NTM: variants seen among roughly 807,000 people sequenced by gnomAD.
NTM encodes the protein neurotrimin.
A neutral mutation model predicts 42.1 loss-of-function variants in NTM; 13 were observed. The ratio of observed to expected loss-of-function variants is 0.31; its 90% CI spans 0.20 to 0.49. The LOEUF (loss-of-function observed/expected upper bound fraction) is 0.49, where lower values mean the gene tolerates loss of function less well. NTM is among the 20% of genes least tolerant of loss of function. The pLI is 0.99. For missense variants in NTM, 373 were observed against 452.8 expected (o/e 0.82, Z 1.60); for synonymous variants, 187 against 179.2 (o/e 1.04, Z -0.35).
chr11:131,565,783 C>T (rs1213496355), intron 1 of NTM, among the ~76,000 whole-genome samples: 1 of 152,196 alleles, frequency 6.6e-6, no homozygotes, highest in African/African-American at 2.4e-5. Flanking sequence ...CACCCTGGAC[C>T]TGGGGCACCT....
intron 1 of NTM, among the ~76,000 whole-genome samples, chr11:131,819,005 A>G (rs1396971782): frequency 1.3e-5 from 2 of 152,188 alleles, no homozygotes; most frequent in East Asian, 3.9e-4. Context: ...TCCCCTCCTA[A>G]CTGTTTAAAC....
intron 2 of NTM, among the ~76,000 whole-genome samples, chr11:132,060,449 C>T (rs538017785): frequency 1.5e-5 from 2 of 130,334 alleles, no homozygotes; most frequent in South Asian, 5.2e-4. Context: ...GTTGTATCCA[C>T]ATTTAATGGA....
intron 3 of NTM, among the ~76,000 whole-genome samples, chr11:132,201,210 A>T (rs959400779): frequency 3.9e-5 from 6 of 152,194 alleles, no homozygotes; most frequent in African/African-American, 1.4e-4. Context: ...CCCTCTACCC[A>T]TGAGTTTTCT....
intron 2 of NTM, among the ~76,000 whole-genome samples, chr11:131,984,926 G>A (rs937201985): frequency 6.6e-6 from 1 of 152,144 alleles, no homozygotes; most frequent in Non-Finnish European, 1.5e-5. Context: ...TTTGATAATT[G>A]CCACGAAGGT....
At chr11:131,745,598 G>GTTGAAGTCC (rs1407111968) in intron 1 of NTM, among the ~76,000 whole-genome samples, 2 of 152,190 alleles carry the variant, frequency 1.3e-5, no homozygotes, top group Non-Finnish European at 2.9e-5. Flanking sequence ...GAGGACTGGA[G>GTTGAAGTCC]TTGAAGTCCT....
rs774067143 is a variant in NTM at position 131,730,710 on chromosome 11, C to A, written c.83-180854C>A. ...CTCCAACCTGGGTGCCACAGTAGAC[C>A]CTATCTGTTAAAAGAAGAAGAAGAG... On this transcript the variant is annotated intron_variant, in intron 1 of 8. Transcript: ENST00000683400. Among the ~76,000 whole-genome samples, 6 of 109,462 alleles carry A rather than the reference C, an allele frequency of 5.5e-5. No individual in the cohort carries two copies. In the South Asian group the frequency reaches 2.0e-3, roughly 36 times the overall value. The allele number at this position is 109,462 out of a possible 152,430, so 71.8% of individuals were successfully genotyped here.
intron 1 of NTM, among the ~76,000 whole-genome samples, chr11:131,833,931 A>G (rs1459922431): frequency 6.6e-6 from 1 of 152,184 alleles, no homozygotes; most frequent in Non-Finnish European, 1.5e-5. Flanking sequence ...AGTTTTATAA[A>G]TTCTACTTGC....
intron 1 of NTM, among the ~76,000 whole-genome samples, chr11:131,641,174 G>A (rs965305791): frequency 6.6e-6 from 1 of 152,170 alleles, no homozygotes. Flanking sequence ...TAATGACAAC[G>A]ATCATGTTTT....
chr11:131,602,383 A>G (rs932939979), intron 1 of NTM, among the ~76,000 whole-genome samples: 1 of 152,166 alleles, frequency 6.6e-6, no homozygotes, highest in African/African-American at 2.4e-5. Context: ...GTATCTTACC[A>G]CTTATTAAAT....
At chr11:132,089,609 C>T (rs1448601224) in intron 2 of NTM, among the ~76,000 whole-genome samples, 5 of 152,164 alleles carry the variant, frequency 3.3e-5, no homozygotes, top group Admixed American at 1.3e-4. Context: ...ATATCCTGCC[C>T]TGGGCTTCGT....
intron 1 of NTM, among the ~76,000 whole-genome samples, chr11:131,567,667 A>G (rs926915625): frequency 2.6e-5 from 4 of 152,230 alleles, no homozygotes; most frequent in African/African-American, 9.6e-5. Context: ...TTCCATTTTA[A>G]TAAATAGTGA....
intron 1 of NTM, among the ~76,000 whole-genome samples, chr11:131,588,419 C>T (rs2059071050): frequency 6.6e-6 from 1 of 152,228 alleles, no homozygotes; most frequent in East Asian, 1.9e-4. Context: ...TTGACCACTA[C>T]TGTAAATTTT....
rs1033180164 is a variant in NTM, at chr11:132,195,468, ACCAAAAAAAAAAAAGACC to A, written c.401-16550_401-16533del. ...AAAACTGTACTAAAATCTATATAGA[ACCAAAAAAAAAAAAGACC>A]CCATATAGCCAAAGCAATCCTAAGT... On this transcript the variant is annotated intron_variant, in intron 3 of 8. Transcript: ENST00000683400. 1.3e-4 allele frequency among the ~76,000 whole-genome samples: 19 copies of A among 149,534 alleles called. 1 individual carries two copies. Among genetic ancestry groups the A allele is most frequent in the Admixed American group, 1.2e-3 (18 of 15,128 alleles).
chr11:131,496,581 G>T (rs1955369739), intron 1 of NTM, among the ~76,000 whole-genome samples: 1 of 152,192 alleles, frequency 6.6e-6, no homozygotes, highest in Non-Finnish European at 1.5e-5. Flanking sequence ...CAGCAGCTCT[G>T]GGAGCCATAG....
In NTM at chr11:131,403,903, A is replaced by T. The variant is rs559322189; in HGVS notation, c.82+33015A>T. 5.3e-5 allele frequency among the ~76,000 whole-genome samples: 8 copies of T among 152,256 alleles called. No individual in the cohort carries two copies. The East Asian group carries it at 1.5e-3, about 29-fold the overall frequency. ...TCCTCATTTTAGAGTTCAACATCTC[A>T]ATTTATGCTCTGGGGCCTCTCCTCT... On this transcript the variant is annotated intron_variant, in intron 1 of 8. Transcript: ENST00000683400.
At chr11:131,500,922 C>A (rs1449699083) in intron 1 of NTM, among the ~76,000 whole-genome samples, 1 of 137,830 alleles carries the variant, frequency 7.3e-6, no homozygotes, top group Non-Finnish European at 1.6e-5. Flanking sequence ...ATGAACTCAT[C>A]ATTTTTTATG....
At chr11:131,393,304 T>C (rs1944230413) in intron 1 of NTM, among the ~76,000 whole-genome samples, 1 of 152,124 alleles carries the variant, frequency 6.6e-6, no homozygotes, top group African/African-American at 2.4e-5. Flanking sequence ...TCCCCACACA[T>C]GGGCTCCTTC....
chr11:131,424,595 C>CTTTTTTTTTTTTTTTTGTTTTT (rs1446801058), intron 1 of NTM, among the ~76,000 whole-genome samples: 1 of 39,616 alleles, frequency 2.5e-5, no homozygotes, highest in African/African-American at 1.1e-4. Context: ...TATTTCTTTT[C>CTTTTTTTTTTTTTTTTGTTTTT]TTTTCTTTTT....
chr11:131,563,672 T>C (rs1376319916), intron 1 of NTM, among the ~76,000 whole-genome samples: 1 of 151,476 alleles, frequency 6.6e-6, no homozygotes, highest in East Asian at 1.9e-4. Flanking sequence ...CTTGGATTGA[T>C]TTCAAATAAC....
Sources: gnomAD v4.1 joint callset for allele counts (sites outside exome capture counted in the v4.1 genomes callset) on GRCh38, gnomAD v4.1.1 for gene constraint, MANE v1.5 for transcripts, NCBI Gene and HGNC (gene_info 2026-07-23, HGNC 2026-07-21) for gene names.